The following CCDC170 variants were observed in gnomAD, a reference collection of about 807,000 sequenced individuals.
CCDC170 encodes coiled-coil domain-containing protein 170.
In CCDC170, 69 loss-of-function variants were observed where a neutral mutation model predicts 72.6. The ratio of observed to expected loss-of-function variants is 0.95; its 90% confidence interval spans 0.78 to 1.16. CCDC170 has a LOEUF of 1.16. Ranked by LOEUF, CCDC170 falls within the 50% of genes most tolerant of loss-of-function variation. The pLI is 0.00. For missense variants in CCDC170, 852 were observed against 832.5 expected, an observed-to-expected ratio of 1.02 and a Z score of -0.29; for synonymous variants, 300 against 303.9, an observed-to-expected ratio of 0.99 and a Z score of 0.13.
At chr6:151,525,687 G>A (rs910261000) in intron 1 of CCDC170, among the ~76,000 whole-genome samples, 18 of 152,102 alleles carry the variant, frequency 1.2e-4, no homozygotes, top group African/African-American at 1.7e-4. Context: ...GACTCAGCCC[G>A]CCTGCACCCA....
At chr6:151,584,077 C>T (rs1776416448) in intron 6 of CCDC170, among the ~76,000 whole-genome samples, 1 of 152,140 alleles carries the variant, frequency 6.6e-6, no homozygotes, top group African/African-American at 2.4e-5. Context: ...ACAAAGTGAG[C>T]GTGTGCTGTC....
intron 3 of CCDC170, among the ~76,000 whole-genome samples, chr6:151,543,294 C>T (rs1438092295): frequency 1.3e-5 from 2 of 152,086 alleles, no homozygotes; most frequent in East Asian, 3.9e-4. Context: ...TAGTACTTTC[C>T]TAATGCTCTT....
intron 9 of CCDC170, among the ~76,000 whole-genome samples, chr6:151,599,042 A>G (rs1206943400): frequency 6.6e-6 from 1 of 152,222 alleles, no homozygotes; most frequent in Non-Finnish European, 1.5e-5. Context: ...GAAAAGTTAA[A>G]GAAATGGAAA....
intron 3 of CCDC170, among the ~76,000 whole-genome samples, chr6:151,538,992 C>T (rs898836891): frequency 1.5e-4 from 23 of 152,008 alleles, no homozygotes; most frequent in African/African-American, 5.1e-4. Context: ...CCGGGCATGG[C>T]GGCTCACACC....
At position 151,573,333 on chromosome 6, in the gene CCDC170, A is replaced by T. The variant is rs373796933; in HGVS notation, c.934A>T (p.Ser312Cys). Residue 312 changes from serine (S) to cysteine (C), a missense_variant, in exon 6 of 11, where the codon AGT becomes TGT. Coordinates refer to ENST00000239374, the MANE Select transcript of CCDC170 (RefSeq NM_025059.4). ...TGAGTTGGAGAAGAGTTTGAAGGCCAGTCAGGATGCAGTCACAACCTCACA... is the reference window on the plus strand; with the variant it reads ...TGAGTTGGAGAAGAGTTTGAAGGCCTGTCAGGATGCAGTCACAACCTCACA... ...SSELEKSLKA[S>C]QDAVTTSQSQ... 9.3e-6 allele frequency: 15 copies of T among 1,614,104 alleles called. No homozygotes were observed. In the African/African-American group the frequency reaches 1.7e-4, roughly 19 times the overall value.
intron 1 of CCDC170, among the ~76,000 whole-genome samples, chr6:151,504,725 A>C (rs904482669): frequency 1.3e-5 from 2 of 151,908 alleles, no homozygotes; most frequent in Non-Finnish European, 2.9e-5. Flanking sequence ...GGACATGCAA[A>C]TGATGGTCAC....
In CCDC170 at chr6:151,586,068, C is replaced by A; in HGVS notation, c.1272C>A (p.Asn424Lys). The change falls in exon 7 of 11, where the codon AAC (asparagine) becomes AAA (lysine). Residue 424 changes from asparagine to lysine, a missense_variant. Transcript: ENST00000239374. ...ELVSGGVLRDNLNFEKQKYLK... is the reference protein window; with the variant it reads ...ELVSGGVLRDKLNFEKQKYLK... ...TTTCTGGAGGTGTTTTGCGAGACAACTTGAATTTTGAGAAACAAAAAGTAA... is the reference window on the plus strand; with the variant it reads ...TTTCTGGAGGTGTTTTGCGAGACAAATTGAATTTTGAGAAACAAAAAGTAA... 6.2e-7 allele frequency: 1 copy of A among 1,614,106 alleles called. No individual in the cohort carries two copies. The highest frequency in any genetic ancestry group is 2.2e-5 in the East Asian group (1 of 44,876).
At chr6:151,519,365 G>A (rs193218543) in intron 1 of CCDC170, among the ~76,000 whole-genome samples, 18 of 152,244 alleles carry the variant, frequency 1.2e-4, no homozygotes, top group South Asian at 4.1e-4. Flanking sequence ...GCCCGACCCC[G>A]CAGGCAGTCA....
rs527681896 is a variant in CCDC170 at position 151,565,990 on chromosome 6, C to T, written c.775-7184C>T. Among the ~76,000 whole-genome samples the T allele has an allele frequency of 3.9e-5, 6 of 152,244 alleles. No homozygotes were observed. In the South Asian group the frequency reaches 1.2e-3, roughly 32 times the overall value. ...CTGTCGGTGGTTGTCCAAGCACAGTCTGATCAGTTCAGGGCAGAGTGTCTG... is the reference window on the plus strand; with the variant it reads ...CTGTCGGTGGTTGTCCAAGCACAGTTTGATCAGTTCAGGGCAGAGTGTCTG... On this transcript the variant is annotated intron_variant, in intron 5 of 10. Coordinates refer to ENST00000239374, the MANE Select transcript of CCDC170 (RefSeq NM_025059.4).
chr6:151,602,215 C>T (rs1776719721), intron 9 of CCDC170, among the ~76,000 whole-genome samples: 1 of 152,136 alleles, frequency 6.6e-6, no homozygotes. Flanking sequence ...TTTAATTTGG[C>T]AGGCAAACAT....
At position 151,548,343 on chromosome 6, in the gene CCDC170, C is replaced by T. The variant is rs1385563443; in HGVS notation, c.628C>T (p.Gln210Ter). 3.1e-6 allele frequency: 5 copies of T among 1,600,156 alleles called. No individual in the cohort carries two copies. The East Asian group carries it at 1.1e-4, about 36-fold the overall frequency. The part of the protein sequence containing the change: ...LRKENEFVKG[Q>*]IVILEETINV... Reference sequence around the variant, plus strand: ...CAAAGAAAATGAATTCGTGAAAGGACAAATTGTTATTCTTGAAGAGACTAT... The same window carrying T: ...CAAAGAAAATGAATTCGTGAAAGGATAAATTGTTATTCTTGAAGAGACTAT... Residue 210 changes from glutamine (Q) to a stop codon, truncating the protein, a stop_gained, in exon 5 of 11, where the codon CAA (glutamine) becomes TAA (stop). Coordinates refer to ENST00000239374, the MANE Select transcript of CCDC170 (RefSeq NM_025059.4). LOFTEE classifies it high-confidence loss of function.
intron 5 of CCDC170, among the ~76,000 whole-genome samples, chr6:151,565,967 G>C (rs1776128815): frequency 1.3e-5 from 2 of 152,176 alleles, no homozygotes; most frequent in Non-Finnish European, 2.9e-5. Context: ...GATGGGAACT[G>C]TCGGTGGTTG....
rs375665627 is a variant in CCDC170 at position 151,563,869 on chromosome 6, T to C, written c.775-9305T>C. 3.3e-3 allele frequency among the ~76,000 whole-genome samples: 497 copies of C among 152,236 alleles called. 1 individual carries two copies. Among genetic ancestry groups the C allele is most frequent in the Non-Finnish European group, 5.0e-3 (339 of 68,008 alleles). On this transcript the variant is annotated intron_variant, in intron 5 of 10. Transcript: ENST00000239374. ...TCTCAGGGGTCAATCTCTGCCAGCC[T>C]CTTGTTGCTTTCTTTTTCTGCAGCT... is the stretch of plus-strand genomic sequence containing the variant.
intron 7 of CCDC170, among the ~76,000 whole-genome samples, chr6:151,589,815 G>T (rs955323529): frequency 3.9e-5 from 6 of 152,098 alleles, no homozygotes; most frequent in Admixed American, 2.0e-4. Context: ...ATGGCCCCAC[G>T]TTCTGTGAGC....
intron 9 of CCDC170, among the ~76,000 whole-genome samples, chr6:151,612,897 A>G (rs1776896630): frequency 6.6e-6 from 1 of 152,084 alleles, no homozygotes; most frequent in African/African-American, 2.4e-5. Flanking sequence ...ATATACCTGA[A>G]CAGTTTACCT....
intron 5 of CCDC170, among the ~76,000 whole-genome samples, chr6:151,553,541 A>G (rs1363056610): frequency 2.6e-5 from 4 of 152,158 alleles, no homozygotes; most frequent in African/African-American, 7.2e-5. Context: ...ATTTATTTAT[A>G]AAAATGCATC....
At chr6:151,537,029 G>T (rs1321604663) in intron 2 of CCDC170, among the ~76,000 whole-genome samples, 3 of 152,202 alleles carry the variant, frequency 2.0e-5, no homozygotes, top group East Asian at 1.9e-4. Context: ...GTTAAGTAAA[G>T]CTCCATGGGC....
At chr6:151,607,404 G>T (rs2115134723) in intron 9 of CCDC170, among the ~76,000 whole-genome samples, 1 of 152,120 alleles carries the variant, frequency 6.6e-6, no homozygotes, top group African/African-American at 2.4e-5. Flanking sequence ...GCAGTTTGGT[G>T]ATTTTTGTAG....
At chr6:151,519,193 A>G (rs1389998028) in intron 1 of CCDC170, among the ~76,000 whole-genome samples, 1 of 151,908 alleles carries the variant, frequency 6.6e-6, no homozygotes, top group African/African-American at 2.4e-5. Flanking sequence ...TAAGACAGAC[A>G]CTCCCAGAGC....
Sources: gnomAD v4.1 joint callset for allele counts (sites outside exome capture counted in the v4.1 genomes callset) on GRCh38, gnomAD v4.1.1 for gene constraint, MANE v1.5 for transcripts, NCBI Gene and HGNC (gene_info 2026-07-23, HGNC 2026-07-21) for gene names.